The following SPTLC1 variants were observed in gnomAD, a reference collection of about 807,000 sequenced individuals.
SPTLC1 encodes serine palmitoyltransferase 1.
A neutral mutation model predicts 68.9 loss-of-function variants in SPTLC1; 55 were observed. The ratio of observed to expected loss-of-function variants is 0.80; its 90% CI spans 0.64 to 1.00. The LOEUF is 1.00. Among genes scored for constraint, SPTLC1 ranks in the 50% least tolerant of loss-of-function variants. The pLI, the probability that SPTLC1 is intolerant of heterozygous loss-of-function variation, is 0.00. For missense variants in SPTLC1, 449 were observed against 573.1 expected, an observed-to-expected ratio of 0.78 and a Z score of 2.21; for synonymous variants, 197 against 201.6, an observed-to-expected ratio of 0.98 and a Z score of 0.19.
intron 13 of SPTLC1, among the ~76,000 whole-genome samples, chr9:92,035,508 C>T (rs941180206): frequency 6.6e-6 from 1 of 152,154 alleles, no homozygotes; most frequent in Non-Finnish European, 1.5e-5. Flanking sequence ...AAAGCACAAA[C>T]ACCAGAGCAA....
intron 8 of SPTLC1, among the ~76,000 whole-genome samples, chr9:92,053,004 A>G (rs1472525027): frequency 6.6e-6 from 1 of 152,026 alleles, no homozygotes; most frequent in East Asian, 1.9e-4. Flanking sequence ...TCTGATAAAC[A>G]TCTAGTATCC....
At chr9:92,073,268 A>G (rs1032140486) in intron 5 of SPTLC1, among the ~76,000 whole-genome samples, 1 of 152,226 alleles carries the variant, frequency 6.6e-6, no homozygotes, top group Non-Finnish European at 1.5e-5. Flanking sequence ...ACACAGTCCT[A>G]TAATCCCACT....
intron 3 of SPTLC1, among the ~76,000 whole-genome samples, chr9:92,092,623 T>C (rs1835404292): frequency 6.6e-6 from 1 of 152,120 alleles, no homozygotes; most frequent in Admixed American, 6.5e-5. Context: ...TAGTTCCAGC[T>C]ACTGGGGAGG....
At chr9:92,040,496 C>T (rs1833306104) in intron 12 of SPTLC1, among the ~76,000 whole-genome samples, 2 of 152,162 alleles carry the variant, frequency 1.3e-5, no homozygotes, top group African/African-American at 4.8e-5. Flanking sequence ...CGATGGCTCA[C>T]ACCTATAATC....
intron 3 of SPTLC1, among the ~76,000 whole-genome samples, chr9:92,088,723 T>A (rs1449658513): frequency 1.3e-5 from 2 of 152,168 alleles, no homozygotes; most frequent in Non-Finnish European, 2.9e-5. Context: ...GGCAGCATGA[T>A]GTGATGTAGG....
chr9:92,043,815 G>T (rs1187864773), intron 12 of SPTLC1, among the ~76,000 whole-genome samples: 1 of 152,182 alleles, frequency 6.6e-6, no homozygotes, highest in Admixed American at 6.5e-5. Flanking sequence ...TAGGGTATCA[G>T]ATAGGCTGTT....
intron 6 of SPTLC1, among the ~76,000 whole-genome samples, chr9:92,065,535 C>A (rs1458617545): frequency 6.6e-6 from 1 of 151,692 alleles, no homozygotes; most frequent in Non-Finnish European, 1.5e-5. Flanking sequence ...AAAAAAAACA[C>A]AATGTAGTAT....
rs571000941 is a variant in SPTLC1 at position 92,082,230 on chromosome 9, C to CTATTT, written c.261-1272_261-1268dup. ...CTTCCCTAAGGCTTCAAGGGCTTCT[C>CTATTT]TATTTTATTTTATTTTATTATTATT... On this transcript the variant is annotated intron_variant, in intron 3 of 14. Coordinates refer to ENST00000262554, the MANE Select transcript of SPTLC1 (RefSeq NM_006415.4). 4.6e-5 allele frequency among the ~76,000 whole-genome samples: 7 copies of CTATTT among 151,878 alleles called. No individual in the cohort carries two copies. In the East Asian group the frequency reaches 5.8e-4, roughly 13 times the overall value.
intron 7 of SPTLC1, among the ~76,000 whole-genome samples, chr9:92,055,975 T>C (rs1156459467): frequency 6.6e-5 from 10 of 152,218 alleles, no homozygotes; most frequent in African/African-American, 2.4e-4. Flanking sequence ...GAGGAACAGA[T>C]GGCACAAGAA....
chr9:92,107,313 A>T (rs1234516429), intron 3 of SPTLC1, among the ~76,000 whole-genome samples: 8 of 152,226 alleles, frequency 5.3e-5, no homozygotes, highest in Non-Finnish European at 7.3e-5. Flanking sequence ...CTTACCAAAG[A>T]AGGGAAATTT....
At chr9:92,074,815 C>T (rs942431595) in intron 5 of SPTLC1, among the ~76,000 whole-genome samples, 1 of 152,062 alleles carries the variant, frequency 6.6e-6, no homozygotes, top group African/African-American at 2.4e-5. Context: ...CTTATACTCT[C>T]CTATCCTCAA....
At chr9:92,105,346 G>C in intron 3 of SPTLC1, 1 of 1,520,022 alleles carries the variant, frequency 6.6e-7, no homozygotes. Context: ...ACATGCGTAA[G>C]AACATGAGGT....
intron 12 of SPTLC1, among the ~76,000 whole-genome samples, chr9:92,038,697 G>A (rs552269487): frequency 3.3e-5 from 5 of 152,246 alleles, no homozygotes; most frequent in Admixed American, 2.0e-4. Flanking sequence ...GTGCTCCCTC[G>A]CCCCCAATGT....
intron 4 of SPTLC1, among the ~76,000 whole-genome samples, chr9:92,080,534 T>C (rs1834841610): frequency 6.6e-6 from 1 of 152,200 alleles, no homozygotes; most frequent in African/African-American, 2.4e-5. Context: ...TTTCCAATAC[T>C]ATGATTTTTT....
At chr9:92,043,963 C>T (rs972999616) in intron 12 of SPTLC1, among the ~76,000 whole-genome samples, 9 of 152,178 alleles carry the variant, frequency 5.9e-5, no homozygotes, top group African/African-American at 1.9e-4. Context: ...TTCCTCCTGT[C>T]ACATTGGCCT....
At chr9:92,060,912 CAAA>C (rs200973343) in intron 6 of SPTLC1, among the ~76,000 whole-genome samples, 3 of 104,932 alleles carry the variant, frequency 2.9e-5, no homozygotes, top group African/African-American at 9.7e-5. Flanking sequence ...GACTCTGTCT[CAAA>C]AAAAAAAAAA....
At chr9:92,040,130 G>A (rs1235973832) in intron 12 of SPTLC1, among the ~76,000 whole-genome samples, 3 of 152,148 alleles carry the variant, frequency 2.0e-5, no homozygotes, top group South Asian at 4.1e-4. Context: ...AGCACTTTGG[G>A]AGGCCAAGGC....
intron 5 of SPTLC1, among the ~76,000 whole-genome samples, chr9:92,074,772 T>A (rs1834620632): frequency 6.6e-6 from 1 of 151,892 alleles, no homozygotes; most frequent in Admixed American, 6.5e-5. Flanking sequence ...ATCAATCAGA[T>A]TGTCCTCCCC....
intron 6 of SPTLC1, among the ~76,000 whole-genome samples, chr9:92,067,115 C>A (rs191960904): frequency 2.0e-5 from 3 of 151,964 alleles, no homozygotes; most frequent in Non-Finnish European, 4.4e-5. Context: ...CTGGCCAACA[C>A]GGTAAAACCC....
Sources: gnomAD v4.1 joint callset for allele counts (sites outside exome capture counted in the v4.1 genomes callset) on GRCh38, gnomAD v4.1.1 for gene constraint, MANE v1.5 for transcripts, NCBI Gene and HGNC (gene_info 2026-07-23, HGNC 2026-07-21) for gene names.